The following EPB41L2 variants were observed in gnomAD, a reference collection of about 807,000 sequenced individuals.
The protein encoded by EPB41L2 is band 4.1-like protein 2.
In EPB41L2, 43 loss-of-function variants were observed where a neutral mutation model predicts 113.0. The ratio of observed to expected loss-of-function variants is 0.38; its 90% CI spans 0.30 to 0.49. The LOEUF (loss-of-function observed/expected upper bound fraction) is 0.49. EPB41L2 is among the 20% of genes least tolerant of loss of function. EPB41L2 has a pLI of 0.95. For missense variants in EPB41L2, 1,147 were observed against 1,223.4 expected (o/e 0.94, Z 0.93); for synonymous variants, 442 against 436.7 (o/e 1.01, Z -0.15).
At chr6:130,897,964 A>T (rs185556125) in intron 8 of EPB41L2, among the ~76,000 whole-genome samples, 2 of 152,182 alleles carry the variant, frequency 1.3e-5, no homozygotes, top group African/African-American at 4.8e-5. Context: ...TCTAGTGGTT[A>T]AAAATGATGC....
intron 1 of EPB41L2, among the ~76,000 whole-genome samples, chr6:131,031,297 AT>A (rs796275441): frequency 2.9e-4 from 44 of 151,758 alleles, no homozygotes; most frequent in Non-Finnish European, 4.7e-4. Context: ...ATATACAGAG[AT>A]TTTTTTTTTA....
intron 1 of EPB41L2, among the ~76,000 whole-genome samples, chr6:130,992,678 T>G (rs1782167512): frequency 2.6e-5 from 4 of 151,660 alleles, no homozygotes; most frequent in African/African-American, 9.7e-5. Context: ...GTCGCCAGGC[T>G]GGAATGCAGT....
chr6:131,050,032 A>G (rs1363138175), intron 1 of EPB41L2, among the ~76,000 whole-genome samples: 2 of 152,176 alleles, frequency 1.3e-5, no homozygotes, highest in African/African-American at 4.8e-5. Flanking sequence ...CCCGTGGTAC[A>G]AAATTGTTTT....
At chr6:130,929,118 G>A (rs995048581) in intron 3 of EPB41L2, among the ~76,000 whole-genome samples, 6 of 152,084 alleles carry the variant, frequency 3.9e-5, no homozygotes, top group Admixed American at 2.6e-4. Flanking sequence ...CACCCTCAAC[G>A]AACTCAAAAT....
intron 1 of EPB41L2, among the ~76,000 whole-genome samples, chr6:130,960,218 A>AC (rs1209324956): frequency 1.3e-5 from 2 of 152,190 alleles, no homozygotes; most frequent in Admixed American, 1.3e-4. Flanking sequence ...TGCACGAATG[A>AC]CCTACTCAAC....
At chr6:130,950,346 A>C (rs1814460051) in intron 3 of EPB41L2, among the ~76,000 whole-genome samples, 1 of 152,208 alleles carries the variant, frequency 6.6e-6, no homozygotes, top group Admixed American at 6.5e-5. Context: ...TAATTTTAAA[A>C]AGGCAAACGA....
chr6:131,008,628 C>T (rs1786172136), intron 1 of EPB41L2, among the ~76,000 whole-genome samples: 1 of 152,236 alleles, frequency 6.6e-6, no homozygotes, highest in South Asian at 2.1e-4. Flanking sequence ...AATGCAAGCC[C>T]ATGAAAGCAG....
intron 7 of EPB41L2, among the ~76,000 whole-genome samples, chr6:130,900,082 TAAGCTCCTAAAGAGCA>T (rs1795882986): frequency 6.6e-6 from 1 of 152,220 alleles, no homozygotes; most frequent in Non-Finnish European, 1.5e-5. Flanking sequence ...AAGTAAACTT[TAAGCTCCTAAAGAGCA>T]AGATCATGTC....
intron 3 of EPB41L2, among the ~76,000 whole-genome samples, chr6:130,954,045 T>C (rs1417056437): frequency 0.025 from 1,415 of 55,592 alleles, 46 homozygotes; most frequent in African/African-American, 0.09. Flanking sequence ...TCTTTCTTTT[T>C]TTTTTTTTTT....
chr6:130,997,549 T>C (rs1443766727), intron 1 of EPB41L2, among the ~76,000 whole-genome samples: 1 of 152,202 alleles, frequency 6.6e-6, no homozygotes, highest in Non-Finnish European at 1.5e-5. Flanking sequence ...CAACTGTTAC[T>C]GTCAAATTTT....
At chr6:130,997,769 G>A (rs1783487273) in intron 1 of EPB41L2, among the ~76,000 whole-genome samples, 1 of 152,114 alleles carries the variant, frequency 6.6e-6, no homozygotes, top group Non-Finnish European at 1.5e-5. Flanking sequence ...AAAAGGCAGT[G>A]AAAATTAACA....
intron 1 of EPB41L2, among the ~76,000 whole-genome samples, chr6:130,990,546 C>T (rs1758224106): frequency 6.6e-6 from 1 of 151,954 alleles, no homozygotes; most frequent in African/African-American, 2.4e-5. Context: ...CAATTCCAGT[C>T]TATGTACAAG....
At chr6:130,974,269 G>A (rs553081031) in intron 1 of EPB41L2, among the ~76,000 whole-genome samples, 1 of 152,192 alleles carries the variant, frequency 6.6e-6, no homozygotes, top group Non-Finnish European at 1.5e-5. Flanking sequence ...GTAGAAGGCA[G>A]TTGTCAGTAA....
rs186113531 is a variant in EPB41L2, at chr6:131,004,845, G to C, written c.-14-48346C>G. Reference sequence around the variant, plus strand: ...TCCTTTTTAGTAGCCACCGAATGTAGCCCTCCTGCTTCCCACTGCCAGCAT... The same window carrying C: ...TCCTTTTTAGTAGCCACCGAATGTACCCCTCCTGCTTCCCACTGCCAGCAT... On this transcript the variant is annotated intron_variant, in intron 1 of 19. Coordinates refer to ENST00000337057, the MANE Select transcript of EPB41L2 (RefSeq NM_001431.4). Among the ~76,000 whole-genome samples, 112 of 152,248 alleles carry C rather than the reference G, an allele frequency of 7.4e-4. 1 individual carries two copies. The highest frequency in any genetic ancestry group is 2.6e-3 in the African/African-American group (109 of 41,532).
chr6:131,031,613 G>A (rs924346190), intron 1 of EPB41L2, among the ~76,000 whole-genome samples: 1 of 152,000 alleles, frequency 6.6e-6, no homozygotes, highest in African/African-American at 2.4e-5. Context: ...ACACAAAAAA[G>A]AAAATAACTT....
intron 5 of EPB41L2, among the ~76,000 whole-genome samples, chr6:130,907,992 C>T (rs984480291): frequency 2.6e-5 from 4 of 152,130 alleles, no homozygotes; most frequent in South Asian, 2.1e-4. Flanking sequence ...TTCTCCAGAC[C>T]GAAAATTCCA....
chr6:130,876,740 G>C, intron 14 of EPB41L2: 1 of 1,303,868 alleles, frequency 7.7e-7, no homozygotes, highest in Non-Finnish European at 1.0e-6. Flanking sequence ...TCTCCTTCAC[G>C]GATAAAATAT....
At chr6:130,881,812 T>TAAC in intron 12 of EPB41L2, 1 of 152,104 alleles carries the variant, frequency 6.6e-6, no homozygotes, top group Non-Finnish European at 1.5e-5. Flanking sequence ...ATACATTTGT[T>TAAC]AAAGACAACA....
At position 130,997,378 on chromosome 6, in the gene EPB41L2, T is replaced by C. The variant is rs60877807; in HGVS notation, c.-14-40879A>G. The stretch of plus-strand genomic sequence containing the variant: ...AGACTTAAGAGTTCCTGCTCAGAAG[T>C]TGTTTTAACAGTTTCCTATGAAGGT... On this transcript the variant is annotated intron_variant, in intron 1 of 19. Coordinates refer to ENST00000337057, the MANE Select transcript of EPB41L2 (RefSeq NM_001431.4). Among the ~76,000 whole-genome samples, 3,091 of 152,284 alleles carry C rather than the reference T, an allele frequency of 0.02. 203 individuals are homozygous for C. In the East Asian group the frequency reaches 0.27, roughly 13 times the overall value.
Sources: gnomAD v4.1 joint callset for allele counts (sites outside exome capture counted in the v4.1 genomes callset) on GRCh38, gnomAD v4.1.1 for gene constraint, MANE v1.5 for transcripts, NCBI Gene and HGNC (gene_info 2026-07-23, HGNC 2026-07-21) for gene names.